Variants in MAST4 observed in about 807,000 individuals in gnomAD.
MAST4 encodes microtubule-associated serine/threonine-protein kinase 4.
In MAST4, 89 loss-of-function variants were observed where a neutral mutation model predicts 162.7. The observed-to-expected ratio is 0.55, with a 90% CI of 0.46 to 0.65. The LOEUF (loss-of-function observed/expected upper bound fraction) is 0.65. Ranked by LOEUF, MAST4 falls within the 30% of genes least tolerant of loss-of-function variation. The pLI is 0.00. For missense variants in MAST4, 3,153 were observed against 3,374.0 expected, an observed-to-expected ratio of 0.93 and a Z score of 1.62; for synonymous variants, 1,479 against 1,361.1, an observed-to-expected ratio of 1.09 and a Z score of -1.91.
At chr5:66,606,783 A>T (rs1462875828) in intron 1 of MAST4, among the ~76,000 whole-genome samples, 1 of 152,174 alleles carries the variant, frequency 6.6e-6, no homozygotes, top group Non-Finnish European at 1.5e-5. Context: ...GGGTAAAAAT[A>T]ATACATTACA....
chr5:66,884,904 C>T (rs2149921044), intron 3 of MAST4, among the ~76,000 whole-genome samples: 1 of 152,296 alleles, frequency 6.6e-6, no homozygotes, highest in South Asian at 2.1e-4. Flanking sequence ...AAAGGAAGGG[C>T]ACAGTTAATA....
chr5:66,708,604 G>T (rs1244980383), intron 1 of MAST4, among the ~76,000 whole-genome samples: 1 of 152,118 alleles, frequency 6.6e-6, no homozygotes, highest in African/African-American at 2.4e-5. Flanking sequence ...TTTCTGTTTT[G>T]TCTAAACTTA....
At chr5:67,039,307 T>C (rs1246681893) in intron 4 of MAST4, among the ~76,000 whole-genome samples, 1 of 152,222 alleles carries the variant, frequency 6.6e-6, no homozygotes, top group East Asian at 1.9e-4. Context: ...CCTTTCAATA[T>C]GGAAAGTTGA....
chr5:67,113,231 G>T (rs963508512), intron 11 of MAST4, among the ~76,000 whole-genome samples: 1 of 146,102 alleles, frequency 6.8e-6, no homozygotes, highest in Non-Finnish European at 1.5e-5. Flanking sequence ...GGAGAATGTC[G>T]TGAACCTGGG....
chr5:66,986,475 C>T, intron 4 of MAST4: 2 of 1,572,270 alleles, frequency 1.3e-6, no homozygotes, highest in Non-Finnish European at 8.6e-7. Context: ...GAGAACATCA[C>T]CCCTTGGATG....
chr5:66,695,402 G>A (rs993505629), intron 1 of MAST4, among the ~76,000 whole-genome samples: 2 of 152,128 alleles, frequency 1.3e-5, no homozygotes, highest in Non-Finnish European at 2.9e-5. Context: ...GTACTATACC[G>A]TTTTGGTTAC....
At chr5:67,033,567 T>C (rs1755648156) in intron 4 of MAST4, among the ~76,000 whole-genome samples, 1 of 152,184 alleles carries the variant, frequency 6.6e-6, no homozygotes, top group Non-Finnish European at 1.5e-5. Flanking sequence ...AGCTGAGTGT[T>C]AGTTTACATT....
At chr5:67,018,385 C>T (rs531283101) in intron 4 of MAST4, among the ~76,000 whole-genome samples, 3 of 152,168 alleles carry the variant, frequency 2.0e-5, no homozygotes, top group East Asian at 3.9e-4. Context: ...TTTAAACATT[C>T]GTGCCTGTGG....
At chr5:66,665,231 T>G (rs1747174171) in intron 1 of MAST4, among the ~76,000 whole-genome samples, 1 of 152,136 alleles carries the variant, frequency 6.6e-6, no homozygotes, top group Non-Finnish European at 1.5e-5. Context: ...TTTGTTTCTT[T>G]TTAGGTATTA....
chr5:67,166,845 A>G lies in MAST4; in HGVS notation c.7666A>G (p.Thr2556Ala). ...HRDRALSVTA[T>A]VGETKGKDPA... The stretch of plus-strand genomic sequence containing the variant: ...GGACAGGGCTCTCTCGGTGACTGCC[A>G]CCGTAGGGGAAACCAAAGGGAAGGA... The change falls in exon 29 of 29, where the codon ACC (threonine) becomes GCC (alanine). Residue 2556 changes from threonine to alanine, a missense_variant. Thr to Ala is a moderately conservative substitution (Grantham distance 58). Transcript: ENST00000403625. 6.2e-7 allele frequency: 1 copy of G among 1,604,242 alleles called. No homozygotes were observed. Among genetic ancestry groups the G allele is most frequent in the Non-Finnish European group, 8.5e-7 (1 of 1,176,022 alleles).
chr5:66,664,813 G>T (rs1235639517), intron 1 of MAST4, among the ~76,000 whole-genome samples: 1 of 152,016 alleles, frequency 6.6e-6, no homozygotes, highest in Non-Finnish European at 1.5e-5. Context: ...TGTGAATTTT[G>T]TTAGGAGAAC....
intron 3 of MAST4, among the ~76,000 whole-genome samples, chr5:66,819,711 G>C (rs56403004): frequency 0.24 from 36,805 of 151,124 alleles, 5,679 homozygotes; most frequent in Non-Finnish European, 0.35. Flanking sequence ...TTGTTTTTTT[G>C]GGGGGGAAGT....
chr5:66,628,780 A>G (rs1269779881), intron 1 of MAST4, among the ~76,000 whole-genome samples: 1 of 152,186 alleles, frequency 6.6e-6, no homozygotes, highest in African/African-American at 2.4e-5. Context: ...AAACATGATT[A>G]TGTGATTCAG....
At chr5:66,991,798 A>T (rs1750090431) in intron 4 of MAST4, among the ~76,000 whole-genome samples, 1 of 152,248 alleles carries the variant, frequency 6.6e-6, no homozygotes, top group Admixed American at 6.5e-5. Context: ...TTTATCTTTT[A>T]GCCCCAGGCA....
intron 5 of MAST4, among the ~76,000 whole-genome samples, chr5:67,063,852 T>C (rs1371859445): frequency 6.6e-6 from 1 of 152,118 alleles, no homozygotes; most frequent in Non-Finnish European, 1.5e-5. Flanking sequence ...AAAGATTGGA[T>C]GTAGGGTGAG....
In MAST4 at chr5:66,804,828, A is replaced by G. The variant is rs537059440; in HGVS notation, c.642+16034A>G. On this transcript the variant is annotated intron_variant, in intron 3 of 28. Coordinates refer to ENST00000403625, the MANE Select transcript of MAST4 (RefSeq NM_001164664.2). ...GTTATAGGACTATTCTGATTTTTAA[A>G]TTTTTTCTTAATCAATTTGGTATTT... is the stretch of plus-strand genomic sequence containing the variant. 2.0e-3 allele frequency among the ~76,000 whole-genome samples: 308 copies of G among 152,086 alleles called. 3 individuals are homozygous for G. The highest frequency in any genetic ancestry group is 7.1e-3 in the African/African-American group (294 of 41,470).
At chr5:67,086,980 A>G (rs985861178) in intron 5 of MAST4, among the ~76,000 whole-genome samples, 2 of 152,222 alleles carry the variant, frequency 1.3e-5, no homozygotes, top group Non-Finnish European at 2.9e-5. Context: ...TCAGAGACTG[A>G]GTAGGAGTCA....
intron 2 of MAST4, among the ~76,000 whole-genome samples, chr5:66,784,303 A>C (rs1374533559): frequency 6.6e-6 from 1 of 152,210 alleles, no homozygotes; most frequent in Non-Finnish European, 1.5e-5. Flanking sequence ...AATATTATAA[A>C]ATATGTACAG....
chr5:66,825,514 T>C (rs1757207825), intron 3 of MAST4, among the ~76,000 whole-genome samples: 1 of 152,206 alleles, frequency 6.6e-6, no homozygotes, highest in Non-Finnish European at 1.5e-5. Context: ...GTACCAAACA[T>C]CACCATGGAC....
Sources: allele counts gnomAD v4.1 joint callset (sites outside exome capture counted in the v4.1 genomes callset), GRCh38; gene constraint gnomAD v4.1.1; transcripts MANE v1.5; gene names NCBI Gene and HGNC (gene_info 2026-07-23, HGNC 2026-07-21).